The following ZNF385D variants were observed in gnomAD, a reference collection of about 807,000 sequenced individuals.
The protein encoded by ZNF385D is zinc finger protein 385D.
Under a neutral mutation model 35.8 loss-of-function variants are expected in ZNF385D, and 15 were observed. The ratio of observed to expected loss-of-function variants is 0.42; its 90% CI spans 0.28 to 0.64. The LOEUF (loss-of-function observed/expected upper bound fraction) is 0.64, where lower values mean the gene tolerates loss of function less well. ZNF385D is among the 30% of genes least tolerant of loss of function. The probability of loss-of-function intolerance (pLI) is 0.23; values close to 1 mark genes in which losing one functional copy is unlikely to be tolerated. For synonymous variants in ZNF385D, 212 were observed against 186.8 expected (o/e 1.13, Z -1.10); for missense variants, 474 against 494.6 (o/e 0.96, Z 0.39).
At chr3:21,618,896 A>C (rs530121925) in intron 2 of ZNF385D, among the ~76,000 whole-genome samples, 79 of 152,238 alleles carry the variant, frequency 5.2e-4, no homozygotes, top group Middle Eastern at 3.4e-3. Flanking sequence ...GTGTGTCACT[A>C]CAGTAATGGG....
intron 3 of ZNF385D, among the ~76,000 whole-genome samples, chr3:21,773,229 A>C (rs1019168892): frequency 5.3e-5 from 8 of 151,848 alleles, no homozygotes; most frequent in African/African-American, 1.7e-4. Context: ...ATTTTAACAC[A>C]ACAAAAATAA....
chr3:22,362,999 G>C (rs1046642994), intron 2 of ZNF385D, among the ~76,000 whole-genome samples: 10 of 152,218 alleles, frequency 6.6e-5, no homozygotes, highest in African/African-American at 2.2e-4. Context: ...GATGTTCTAC[G>C]AGATCAGCAA....
At chr3:22,105,020 C>G (rs1702133096) in intron 3 of ZNF385D, among the ~76,000 whole-genome samples, 4 of 152,076 alleles carry the variant, frequency 2.6e-5, no homozygotes, top group Admixed American at 1.3e-4. Flanking sequence ...ATTAAAACTG[C>G]TAACATGTTT....
At chr3:21,966,699 AG>A (rs1702934592) in intron 3 of ZNF385D, among the ~76,000 whole-genome samples, 2 of 152,162 alleles carry the variant, frequency 1.3e-5, no homozygotes, top group African/African-American at 4.8e-5. Context: ...TTCCTGCCTC[AG>A]CCTCTGGAAT....
chr3:22,326,392 G>T lies in ZNF385D; in HGVS notation c.106+46058C>A, dbSNP rs553975941. ...AAACACTGTCAAAGAAGCTCGTGGG[G>T]TGGGAGTGTGAGCCAGGGGTCTAGC... On this transcript the variant is annotated intron_variant, in intron 2 of 5. Coordinates refer to the ZNF385D transcript ENST00000494108. 2.6e-5 allele frequency among the ~76,000 whole-genome samples: 4 copies of T among 152,288 alleles called. No individual in the cohort carries two copies. The East Asian group carries it at 7.7e-4, about 29-fold the overall frequency.
intron 2 of ZNF385D, among the ~76,000 whole-genome samples, chr3:22,184,644 G>T (rs550010801): frequency 7.1e-4 from 108 of 152,190 alleles, no homozygotes; most frequent in African/African-American, 2.4e-3. Flanking sequence ...TGTCCAACAT[G>T]GTGAAACCCT....
intron 2 of ZNF385D, among the ~76,000 whole-genome samples, chr3:22,252,612 T>C (rs1178833817): frequency 6.6e-6 from 1 of 152,056 alleles, no homozygotes; most frequent in Non-Finnish European, 1.5e-5. Flanking sequence ...TATCATCTCA[T>C]TTGACTAATG....
chr3:22,355,787 A>T (rs549928796), intron 2 of ZNF385D, among the ~76,000 whole-genome samples: 1 of 152,146 alleles, frequency 6.6e-6, no homozygotes, highest in South Asian at 2.1e-4. Context: ...TAACCCAAGG[A>T]ATAATTAAAA....
intron 3 of ZNF385D, among the ~76,000 whole-genome samples, chr3:21,850,612 A>C (rs775101218): frequency 5.3e-5 from 8 of 152,140 alleles, no homozygotes; most frequent in African/African-American, 1.9e-4. Context: ...AGAAAAGATC[A>C]ATTAATGGAG....
chr3:21,896,150 A>G (rs756339937), intron 3 of ZNF385D, among the ~76,000 whole-genome samples: 1 of 152,154 alleles, frequency 6.6e-6, no homozygotes, highest in Non-Finnish European at 1.5e-5. Context: ...TTGTGACTCT[A>G]TGTTTCCACT....
intron 2 of ZNF385D, among the ~76,000 whole-genome samples, chr3:21,584,662 G>C (rs1372448051): frequency 6.6e-6 from 1 of 151,948 alleles, no homozygotes; most frequent in Non-Finnish European, 1.5e-5. Flanking sequence ...TGTTTTTCTA[G>C]TTTCTTTTTC....
At chr3:22,260,758 TTAGTTA>T (rs1700585610) in intron 2 of ZNF385D, among the ~76,000 whole-genome samples, 1 of 152,006 alleles carries the variant, frequency 6.6e-6, no homozygotes. Context: ...CTACAAAGTT[TTAGTTA>T]TAGTCTTAAT....
chr3:21,524,370 A>C (rs1275193103), intron 3 of ZNF385D, among the ~76,000 whole-genome samples: 1 of 152,206 alleles, frequency 6.6e-6, no homozygotes, highest in African/African-American at 2.4e-5. Flanking sequence ...ATCAGCTGCA[A>C]CATTTGAATG....
chr3:21,772,684 G>C (rs1447881254), intron 3 of ZNF385D, among the ~76,000 whole-genome samples: 1 of 151,922 alleles, frequency 6.6e-6, no homozygotes, highest in African/African-American at 2.4e-5. Context: ...ATTACCATAT[G>C]ATTGAGCAAT....
intron 2 of ZNF385D, among the ~76,000 whole-genome samples, chr3:22,185,468 G>A (rs1479397178): frequency 6.6e-6 from 1 of 151,948 alleles, no homozygotes; most frequent in Non-Finnish European, 1.5e-5. Flanking sequence ...CCCATTCAAT[G>A]TTCACTTTTT....
intron 3 of ZNF385D, among the ~76,000 whole-genome samples, chr3:21,835,803 T>G (rs1455517092): frequency 3.3e-5 from 5 of 152,114 alleles, no homozygotes; most frequent in Admixed American, 3.3e-4. Context: ...ATTCTAGGCC[T>G]ACCAATAATT....
intron 2 of ZNF385D, among the ~76,000 whole-genome samples, chr3:21,607,064 A>G (rs2064505520): frequency 6.6e-6 from 1 of 152,200 alleles, no homozygotes; most frequent in Admixed American, 6.5e-5. Context: ...AGAGTAGACA[A>G]TTTATTTAAC....
intron 3 of ZNF385D, among the ~76,000 whole-genome samples, chr3:22,002,460 C>T (rs1404562453): frequency 6.6e-6 from 1 of 152,024 alleles, no homozygotes; most frequent in Non-Finnish European, 1.5e-5. Context: ...AAAGAAAATC[C>T]TAGGACTTAA....
intron 5 of ZNF385D, among the ~76,000 whole-genome samples, chr3:21,435,112 G>C (rs1701484953): frequency 2.6e-5 from 4 of 152,036 alleles, no homozygotes; most frequent in Admixed American, 2.6e-4. Context: ...CATTTTTAAA[G>C]CTCTGGGGTA....
Sources: allele counts gnomAD v4.1 joint callset (sites outside exome capture counted in the v4.1 genomes callset), GRCh38; gene constraint gnomAD v4.1.1; transcripts MANE v1.5; gene names NCBI Gene and HGNC (gene_info 2026-07-23, HGNC 2026-07-21).